RANBP2: variants seen among roughly 807,000 people sequenced by gnomAD.
RANBP2 encodes RAN binding protein 2, also known as E3 SUMO-protein ligase RanBP2.
RANBP2 carries 57 observed loss-of-function variants against 303.6 expected under a neutral mutation model. The ratio of observed to expected loss-of-function variants is 0.19; its 90% CI spans 0.15 to 0.23. RANBP2 has a LOEUF of 0.23. Among genes scored for constraint, RANBP2 ranks in the 10% least tolerant of loss-of-function variants. RANBP2 has a pLI of 1.00. For synonymous variants in RANBP2, 1,167 were observed against 1,301.5 expected, an observed-to-expected ratio of 0.90 and a Z score of 2.23; for missense variants, 3,138 against 3,780.8, an observed-to-expected ratio of 0.83 and a Z score of 4.46.
At chr2:109,627,000 TA>T in the RANBP2 span, among the ~76,000 whole-genome samples, 1 of 151,878 alleles carries the variant, frequency 6.6e-6, no homozygotes. Flanking sequence ...AGTTGTGACT[TA>T]AAAACAAACA....
the RANBP2 span, among the ~76,000 whole-genome samples, chr2:109,611,967 T>C: frequency 6.6e-6 from 1 of 152,180 alleles, no homozygotes; most frequent in South Asian, 2.1e-4. Flanking sequence ...GACCCAACAA[T>C]TGTATTCCTG....
the RANBP2 span, among the ~76,000 whole-genome samples, chr2:109,156,010 T>G: frequency 6.6e-6 from 1 of 152,222 alleles, no homozygotes; most frequent in Admixed American, 6.5e-5. Flanking sequence ...CAGAGCCCCA[T>G]GCTTCCCACT....
the RANBP2 span, among the ~76,000 whole-genome samples, chr2:109,595,587 G>A: frequency 6.6e-6 from 1 of 152,102 alleles, no homozygotes; most frequent in South Asian, 2.1e-4. Context: ...AGGAGTCAAA[G>A]AAGAAAATGA....
chr2:109,057,693 G>A, the RANBP2 span, among the ~76,000 whole-genome samples: 1 of 152,244 alleles, frequency 6.6e-6, no homozygotes, highest in Non-Finnish European at 1.5e-5. Flanking sequence ...GAATGCATCT[G>A]ACGGTGGGGA....
chr2:109,535,948 A>G, the RANBP2 span, among the ~76,000 whole-genome samples: 1 of 151,496 alleles, frequency 6.6e-6, no homozygotes, highest in Non-Finnish European at 1.5e-5. Context: ...TTGAACTTGC[A>G]AGTGCACAGA....
the RANBP2 span, among the ~76,000 whole-genome samples, chr2:109,371,212 G>A: frequency 0.13 from 19,710 of 152,204 alleles, 1,432 homozygotes; most frequent in Middle Eastern, 0.24. Flanking sequence ...AACATGGCAA[G>A]ACACCATCTC....
the RANBP2 span, among the ~76,000 whole-genome samples, chr2:109,372,284 C>T: frequency 2.6e-5 from 4 of 152,322 alleles, no homozygotes; most frequent in East Asian, 7.7e-4. Context: ...AGCTGCTGTG[C>T]AGAAAGCATC....
At position 108,764,362 on chromosome 2, in the gene RANBP2, T is replaced by C; in HGVS notation, c.3823T>C (p.Leu1275=). 6.2e-7 allele frequency: 1 copy of C among 1,613,760 alleles called. No individual in the cohort carries two copies. The highest frequency in any genetic ancestry group is 2.2e-5 in the East Asian group (1 of 44,866). Residue 1275 remains leucine (L), a synonymous_variant, in exon 20 of 29, where the codon TTG becomes CTG. Coordinates refer to ENST00000283195, the MANE Select transcript of RANBP2 (RefSeq NM_006267.5). ...GCATGCCCTTGATTATGCAGATGAG[T>C]TGCCAAAACCAGAACAACTTGCTAT... ...VWHALDYADE[L]PKPEQLAIRF...
At chr2:109,048,040 A>T in the RANBP2 span, among the ~76,000 whole-genome samples, 6 of 152,216 alleles carry the variant, frequency 3.9e-5, no homozygotes, top group South Asian at 1.2e-3. Flanking sequence ...GAGGACACGC[A>T]TCATCCCAAT....
chr2:109,185,806 C>A, the RANBP2 span, among the ~76,000 whole-genome samples: 1 of 152,234 alleles, frequency 6.6e-6, no homozygotes, highest in African/African-American at 2.4e-5. Flanking sequence ...AGTTATTAAT[C>A]TTCTGTGGCA....
At chr2:108,967,515 T>C in the RANBP2 span, among the ~76,000 whole-genome samples, 2 of 152,030 alleles carry the variant, frequency 1.3e-5, no homozygotes, top group African/African-American at 2.4e-5. Context: ...TTTTTTATTA[T>C]CAAAGAGGTT....
At chr2:109,585,581 C>A in the RANBP2 span, 1 of 746,360 alleles carries the variant, frequency 1.3e-6, no homozygotes. Flanking sequence ...ACAAAACTAA[C>A]AGAATCTAAA....
chr2:109,411,277 T>C, the RANBP2 span, among the ~76,000 whole-genome samples: 2 of 152,228 alleles, frequency 1.3e-5, no homozygotes, highest in Non-Finnish European at 2.9e-5. Flanking sequence ...TGGAAGTCTG[T>C]GCCTTTACTC....
At chr2:109,618,427 T>C in the RANBP2 span, 1 of 167,100 alleles carries the variant, frequency 6.0e-6, no homozygotes, top group Non-Finnish European at 1.5e-5. Flanking sequence ...GCTTTAGAGA[T>C]TGAGTCAATA....
the RANBP2 span, among the ~76,000 whole-genome samples, chr2:109,231,821 T>C: frequency 1.3e-4 from 20 of 152,384 alleles, no homozygotes; most frequent in East Asian, 3.7e-3. Flanking sequence ...ATGTAGAATT[T>C]ACTCTAGCTG....
rs761637725 is a variant in RANBP2 at position 108,767,210 on chromosome 2, G to T, written c.6671G>T (p.Trp2224Leu). 1 of 1,611,902 alleles carries T rather than the reference G, an allele frequency of 6.2e-7. No individual in the cohort carries two copies. The highest frequency in any genetic ancestry group is 8.5e-7 in the Non-Finnish European group (1 of 1,179,868). The change falls in exon 20 of 29, where the codon TGG (tryptophan) becomes TTG (leucine). Residue 2224 changes from tryptophan (W) to leucine (L), a missense_variant. Transcript: ENST00000283195. ...GAAAACACTGGGCCCACATTAGAATGGGATAACTATGATTTAAGGGAAGAT... is the reference window on the plus strand; with the variant it reads ...GAAAACACTGGGCCCACATTAGAATTGGATAACTATGATTTAAGGGAAGAT... Reference protein sequence around the residue: ...NPENTGPTLEWDNYDLREDAL... With the variant: ...NPENTGPTLELDNYDLREDAL...
At chr2:108,773,740 A>G (rs1304472637) in intron 23 of RANBP2, among the ~76,000 whole-genome samples, 1 of 151,352 alleles carries the variant, frequency 6.6e-6, no homozygotes, top group African/African-American at 2.4e-5. Context: ...TCTGCCTCCC[A>G]GGTTCAAGTG....
the RANBP2 span, among the ~76,000 whole-genome samples, chr2:109,686,783 C>T: frequency 7.2e-5 from 11 of 151,992 alleles, no homozygotes; most frequent in Admixed American, 2.0e-4. Context: ...AGATAACTTA[C>T]TGTATTTTTT....
the RANBP2 span, among the ~76,000 whole-genome samples, chr2:109,280,443 G>A: frequency 6.6e-6 from 1 of 152,180 alleles, no homozygotes; most frequent in Non-Finnish European, 1.5e-5. Flanking sequence ...TGGACGCTCA[G>A]CAATAGGAAG....
Sources: gnomAD v4.1 joint callset for allele counts (sites outside exome capture counted in the v4.1 genomes callset) on GRCh38, gnomAD v4.1.1 for gene constraint, MANE v1.5 for transcripts, NCBI Gene and HGNC (gene_info 2026-07-23, HGNC 2026-07-21) for gene names.